Variants in ATG10 observed in about 807,000 individuals in gnomAD.
The protein encoded by ATG10 is autophagy related 10, also known as ubiquitin-like-conjugating enzyme ATG10.
ATG10 carries 30 observed loss-of-function variants against 32.1 expected under a neutral mutation model. The ratio of observed to expected loss-of-function variants is 0.94; its 90% CI spans 0.70 to 1.27. The LOEUF is 1.27. ATG10 is among the 50% of genes most tolerant of loss of function. The pLI, the probability that ATG10 is intolerant of heterozygous loss-of-function variation, is 0.00. For synonymous variants in ATG10, 87 were observed against 91.5 expected (o/e 0.95, Z 0.28); for missense variants, 233 against 262.3 (o/e 0.89, Z 0.77).
At chr5:82,081,691 C>A (rs1003266801) in intron 3 of ATG10, among the ~76,000 whole-genome samples, 13 of 152,230 alleles carry the variant, frequency 8.5e-5, no homozygotes, top group South Asian at 2.1e-4. Flanking sequence ...ACCAGCCTTA[C>A]ATACCAGGGA....
intron 5 of ATG10, among the ~76,000 whole-genome samples, chr5:82,219,016 C>T (rs1177528090): frequency 1.3e-5 from 2 of 152,152 alleles, no homozygotes; most frequent in Non-Finnish European, 2.9e-5. Flanking sequence ...AAGGAACCGT[C>T]GCTAATGCTT....
chr5:82,010,170 G>A, intron 2 of ATG10: 1 of 1,240,628 alleles, frequency 8.1e-7, no homozygotes, highest in South Asian at 1.3e-5. Flanking sequence ...TCAAGGTCTT[G>A]GAGAATGTTT....
At chr5:82,212,832 G>A (rs1414068012) in intron 5 of ATG10, among the ~76,000 whole-genome samples, 1 of 152,166 alleles carries the variant, frequency 6.6e-6, no homozygotes, top group African/African-American at 2.4e-5. Flanking sequence ...CTTTGACCCT[G>A]TTCTCTTCTG....
chr5:82,061,779 CATATAT>C (rs10656029), intron 3 of ATG10, among the ~76,000 whole-genome samples: 29 of 135,392 alleles, frequency 2.1e-4, no homozygotes. Flanking sequence ...TACATGTACA[CATATAT>C]ATATATACGT....
intron 3 of ATG10, among the ~76,000 whole-genome samples, chr5:82,091,909 G>A (rs1281949234): frequency 6.6e-6 from 1 of 152,128 alleles, no homozygotes; most frequent in Non-Finnish European, 1.5e-5. Context: ...ATATTACAGT[G>A]AACACAATAC....
At chr5:82,162,777 A>G (rs1489338819) in intron 3 of ATG10, among the ~76,000 whole-genome samples, 1 of 146,208 alleles carries the variant, frequency 6.8e-6, no homozygotes, top group Non-Finnish European at 1.5e-5. Flanking sequence ...CAGGATGCCC[A>G]CGAGTGAAAA....
intron 5 of ATG10, among the ~76,000 whole-genome samples, chr5:82,198,056 G>A (rs954874412): frequency 9.2e-5 from 14 of 152,160 alleles, no homozygotes; most frequent in Admixed American, 2.6e-4. Context: ...TGGGCCTGGG[G>A]AAGGTTGACT....
At chr5:82,079,157 G>T (rs954102645) in intron 3 of ATG10, among the ~76,000 whole-genome samples, 9 of 152,018 alleles carry the variant, frequency 5.9e-5, no homozygotes, top group Non-Finnish European at 1.2e-4. Context: ...ATGCTCTTTG[G>T]TTATATCTGG....
rs549533897 is a variant in ATG10, at chr5:82,096,998, A to C, written c.216+38396A>C. Among the ~76,000 whole-genome samples the C allele has an allele frequency of 1.1e-3, 160 of 152,292 alleles. 1 individual carries two copies. Among genetic ancestry groups the C allele is most frequent in the Admixed American group, 1.4e-3 (21 of 15,284 alleles). ...TAAGGTCAATTAGCTCCATTTGCTT[A>C]GTAGTGTGTGCATTGTGAAGCAATA... On this transcript the variant is annotated intron_variant, in intron 3 of 7. Transcript: ENST00000282185.
At chr5:82,131,233 A>G (rs1377987742) in intron 3 of ATG10, among the ~76,000 whole-genome samples, 2 of 152,186 alleles carry the variant, frequency 1.3e-5, no homozygotes, top group Non-Finnish European at 2.9e-5. Context: ...TTTTTGAAAG[A>G]AATGGCCACA....
intron 5 of ATG10, among the ~76,000 whole-genome samples, chr5:82,203,545 C>T (rs1209659140): frequency 6.6e-6 from 1 of 152,092 alleles, no homozygotes; most frequent in African/African-American, 2.4e-5. Context: ...TCCATGTTGG[C>T]TGGCACTAGA....
chr5:82,085,585 A>C (rs1764653174), intron 3 of ATG10, among the ~76,000 whole-genome samples: 1 of 152,066 alleles, frequency 6.6e-6, no homozygotes, highest in Non-Finnish European at 1.5e-5. Flanking sequence ...ACGTGTATAC[A>C]TATGTAACAA....
intron 5 of ATG10, among the ~76,000 whole-genome samples, chr5:82,182,132 G>A (rs969940777): frequency 2.0e-5 from 3 of 152,074 alleles, no homozygotes; most frequent in East Asian, 3.8e-4. Context: ...AATAAAAATG[G>A]GTACCTTCAA....
At chr5:82,082,281 C>T (rs1434062463) in intron 3 of ATG10, among the ~76,000 whole-genome samples, 1 of 152,098 alleles carries the variant, frequency 6.6e-6, no homozygotes, top group Non-Finnish European at 1.5e-5. Context: ...TTCCTAGACA[C>T]CTTGGCCACA....
intron 2 of ATG10, among the ~76,000 whole-genome samples, chr5:82,029,003 G>T (rs531365658): frequency 6.6e-6 from 1 of 152,104 alleles, no homozygotes; most frequent in Non-Finnish European, 1.5e-5. Flanking sequence ...AGCAACATTT[G>T]TATACGTAAG....
chr5:82,025,520 G>A (rs1442983447), intron 2 of ATG10, among the ~76,000 whole-genome samples: 1 of 152,180 alleles, frequency 6.6e-6, no homozygotes, highest in African/African-American at 2.4e-5. Flanking sequence ...GAGCCTGGGG[G>A]AGATAGGAGG....
At chr5:82,186,850 G>A (rs1031348162) in intron 5 of ATG10, among the ~76,000 whole-genome samples, 42 of 152,198 alleles carry the variant, frequency 2.8e-4, no homozygotes, top group Non-Finnish European at 5.6e-4. Flanking sequence ...CCAAAGTGCT[G>A]GGATTACAGG....
intron 3 of ATG10, among the ~76,000 whole-genome samples, chr5:82,096,032 C>T (rs943831753): frequency 6.6e-6 from 1 of 152,072 alleles, no homozygotes; most frequent in Admixed American, 6.6e-5. Flanking sequence ...AATATAATTG[C>T]GTGCCACTAA....
chr5:81,982,184 G>A (rs529049353), intron 1 of ATG10, among the ~76,000 whole-genome samples: 1 of 152,228 alleles, frequency 6.6e-6, no homozygotes, highest in East Asian at 1.9e-4. Context: ...TATGCCAGGC[G>A]TGGTGGCTCA....
Sources: gnomAD v4.1 joint callset for allele counts (sites outside exome capture counted in the v4.1 genomes callset) on GRCh38, gnomAD v4.1.1 for gene constraint, MANE v1.5 for transcripts, NCBI Gene and HGNC (gene_info 2026-07-23, HGNC 2026-07-21) for gene names.